RBPMS: variants seen among roughly 807,000 people sequenced by gnomAD.
RBPMS encodes RNA-binding protein with multiple splicing.
In RBPMS, 7 loss-of-function variants were observed where a neutral mutation model predicts 26.8. That is an observed-to-expected ratio of 0.26 (90% CI 0.15 to 0.49). The LOEUF (loss-of-function observed/expected upper bound fraction) is 0.49, where lower values mean the gene tolerates loss of function less well. RBPMS is among the 20% of genes least tolerant of loss of function. RBPMS has a pLI of 0.98. For missense variants in RBPMS, 186 were observed against 250.0 expected (o/e 0.74, Z 1.73); for synonymous variants, 96 against 93.3 (o/e 1.03, Z -0.17).
At chr8:30,505,136 C>T (rs555993035) in intron 5 of RBPMS, among the ~76,000 whole-genome samples, 6 of 152,284 alleles carry the variant, frequency 3.9e-5, no homozygotes, top group African/African-American at 1.4e-4. Context: ...AATTTGCTTT[C>T]TCAAGCTCAG....
At chr8:30,516,186 C>G (rs148656965) in intron 5 of RBPMS, among the ~76,000 whole-genome samples, 3,117 of 152,242 alleles carry the variant, frequency 0.02, 105 homozygotes, top group African/African-American at 0.071. Context: ...TCAAGACCAG[C>G]CTGGCCAATA....
rs1000869007 is a variant in RBPMS at position 30,556,309 on chromosome 8, C to T, written c.529-2578C>T. 4.1e-6 allele frequency: 4 copies of T among 985,598 alleles called. No individual in the cohort carries two copies. In the African/African-American group the frequency reaches 5.2e-5, roughly 13 times the overall value. 61.1% of individuals were successfully genotyped at this position (985,598 alleles called of 1,614,324 possible). The stretch of plus-strand genomic sequence containing the variant: ...CGCCTTCATGTCACTCTGGAGTGCG[C>T]CTCGACCAGGCTGACGAGAGCCTGA... On this transcript the variant is annotated intron_variant, in intron 6 of 8. Coordinates refer to ENST00000397323, the MANE Select transcript of RBPMS (RefSeq NM_001008710.3).
At chr8:30,522,179 G>A (rs1358973258) in intron 5 of RBPMS, among the ~76,000 whole-genome samples, 1 of 151,816 alleles carries the variant, frequency 6.6e-6, no homozygotes, top group Non-Finnish European at 1.5e-5. Flanking sequence ...CAGGCCTATA[G>A]TCACAGCTAC....
At position 30,453,424 on chromosome 8, in the gene RBPMS, G is replaced by A. The variant is rs549950524; in HGVS notation, c.67-21355G>A. 4.6e-5 allele frequency among the ~76,000 whole-genome samples: 7 copies of A among 152,196 alleles called. No homozygotes were observed. In the South Asian group the frequency reaches 1.5e-3, roughly 32 times the overall value. Reference sequence around the variant, plus strand: ...ATTAATCACTGACTGTTGGTTTGTGGATCTGCTTTTCATATATTCTACTTT... The same window carrying A: ...ATTAATCACTGACTGTTGGTTTGTGAATCTGCTTTTCATATATTCTACTTT... On this transcript the variant is annotated intron_variant, in intron 1 of 8. Coordinates refer to ENST00000397323, the MANE Select transcript of RBPMS (RefSeq NM_001008710.3).
rs547672363 is a variant in RBPMS at position 30,389,901 on chromosome 8, C to T, written c.66+4743C>T. ...ACCTGAAGTCAAGGTGTTGGCAGGG[C>T]CACCGTGCTCTCTAAAGGCTGGAGA... On this transcript the variant is annotated intron_variant, in intron 1 of 8. Coordinates refer to ENST00000397323, the MANE Select transcript of RBPMS (RefSeq NM_001008710.3). Among the ~76,000 whole-genome samples, 216 of 152,222 alleles carry T rather than the reference C, an allele frequency of 1.4e-3. 1 individual carries two copies. The highest frequency in any genetic ancestry group is 4.9e-3 in the African/African-American group (204 of 41,538).
chr8:30,451,630 G>A (rs1447869147), intron 1 of RBPMS, among the ~76,000 whole-genome samples: 3 of 152,154 alleles, frequency 2.0e-5, no homozygotes, highest in Non-Finnish European at 4.4e-5. Flanking sequence ...CAGGGAAACT[G>A]CCATTTTACT....
intron 4 of RBPMS, among the ~76,000 whole-genome samples, chr8:30,501,947 C>T (rs1316453883): frequency 6.6e-6 from 1 of 151,988 alleles, no homozygotes; most frequent in Non-Finnish European, 1.5e-5. Context: ...CTTTTTTCTC[C>T]TCTTCATCAT....
intron 1 of RBPMS, among the ~76,000 whole-genome samples, chr8:30,454,949 A>G (rs935084513): frequency 1.3e-5 from 2 of 152,058 alleles, no homozygotes; most frequent in African/African-American, 4.8e-5. Flanking sequence ...CAGCCTCCCA[A>G]GTAGCTGGGA....
chr8:30,518,879 C>T (rs1286138562), intron 5 of RBPMS, among the ~76,000 whole-genome samples: 1 of 151,274 alleles, frequency 6.6e-6, no homozygotes, highest in Non-Finnish European at 1.5e-5. Flanking sequence ...GCTGATTACA[C>T]CTCACACCCT....
chr8:30,409,981 C>T lies in RBPMS; in HGVS notation c.66+24823C>T, dbSNP rs28637836. Among the ~76,000 whole-genome samples, 1,459 of 152,182 alleles carry T rather than the reference C, an allele frequency of 9.6e-3. 24 individuals are homozygous for T. Among genetic ancestry groups the T allele is most frequent in the African/African-American group, 0.033 (1,361 of 41,514 alleles). The stretch of plus-strand genomic sequence containing the variant: ...CGTGTATTCATTTAGATGTTGAGCT[C>T]AGTTTTTTAAAAGACAATTCACCCA... On this transcript the variant is annotated intron_variant, in intron 1 of 8. Transcript: ENST00000397323.
chr8:30,516,855 G>C (rs896984369), intron 5 of RBPMS, among the ~76,000 whole-genome samples: 2 of 150,548 alleles, frequency 1.3e-5, no homozygotes. Flanking sequence ...GTCTGTGAAT[G>C]GTCACTGCAC....
intron 4 of RBPMS, among the ~76,000 whole-genome samples, chr8:30,484,089 G>A (rs1361621753): frequency 2.0e-5 from 3 of 152,096 alleles, no homozygotes; most frequent in African/African-American, 4.8e-5. Flanking sequence ...TAATTCCTTT[G>A]GGTATACCTA....
chr8:30,500,689 A>G (rs918948556), intron 4 of RBPMS, among the ~76,000 whole-genome samples: 8 of 152,126 alleles, frequency 5.3e-5, no homozygotes, highest in African/African-American at 1.4e-4. Context: ...CTGTGTCTCT[A>G]TATAGGCTCA....
intron 1 of RBPMS, among the ~76,000 whole-genome samples, chr8:30,413,104 A>G (rs951450746): frequency 1.3e-5 from 2 of 152,190 alleles, no homozygotes; most frequent in African/African-American, 2.4e-5. Context: ...TTTGAGGCAG[A>G]GCCTTGCTCT....
intron 1 of RBPMS, among the ~76,000 whole-genome samples, chr8:30,454,750 G>A (rs1024337684): frequency 1.3e-4 from 20 of 152,154 alleles, no homozygotes; most frequent in Admixed American, 1.2e-3. Flanking sequence ...TATTATTTGT[G>A]TGTATAAATC....
chr8:30,492,224 A>G (rs1209969338), intron 4 of RBPMS, among the ~76,000 whole-genome samples: 2 of 152,148 alleles, frequency 1.3e-5, no homozygotes, highest in Non-Finnish European at 2.9e-5. Context: ...ATTCTCTGAG[A>G]CTTTTTATAT....
intron 5 of RBPMS, among the ~76,000 whole-genome samples, chr8:30,511,712 T>C (rs1275883050): frequency 6.6e-6 from 1 of 151,118 alleles, no homozygotes; most frequent in Non-Finnish European, 1.5e-5. Flanking sequence ...TAATCCCAGC[T>C]ACTCAGGAGG....
chr8:30,492,791 T>C (rs192447697), intron 4 of RBPMS, among the ~76,000 whole-genome samples: 8 of 152,362 alleles, frequency 5.3e-5, no homozygotes, highest in Admixed American at 5.2e-4. Flanking sequence ...ATAGACTGGC[T>C]TCTTTAAGAA....
intron 1 of RBPMS, among the ~76,000 whole-genome samples, chr8:30,386,667 TAAA>T (rs931533503): frequency 6.6e-6 from 1 of 152,170 alleles, no homozygotes; most frequent in Non-Finnish European, 1.5e-5. Context: ...CCCTACCACT[TAAA>T]AAAATTTAAA....
Sources: allele counts gnomAD v4.1 joint callset (sites outside exome capture counted in the v4.1 genomes callset), GRCh38; gene constraint gnomAD v4.1.1; transcripts MANE v1.5; gene names NCBI Gene and HGNC (gene_info 2026-07-23, HGNC 2026-07-21).